The following RTP2 variants were observed in gnomAD, a reference collection of about 807,000 sequenced individuals.
RTP2 encodes receptor transporter protein 2.
Under a neutral mutation model 17.9 loss-of-function variants are expected in RTP2, and 12 were observed. The ratio of observed to expected loss-of-function variants is 0.67; its 90% CI spans 0.43 to 1.09. The LOEUF (loss-of-function observed/expected upper bound fraction) is 1.09, where lower values mean the gene tolerates loss of function less well. RTP2 is among the 50% of genes least tolerant of loss of function. RTP2 has a pLI of 0.00. For synonymous variants in RTP2, 126 were observed against 117.7 expected (o/e 1.07, Z -0.46); for missense variants, 327 against 295.7 (o/e 1.11, Z -0.78).
chr3:187,700,704 C>CT (rs1435183242), intron 1 of RTP2, among the ~76,000 whole-genome samples: 2 of 152,196 alleles, frequency 1.3e-5, no homozygotes, highest in Non-Finnish European at 2.9e-5. Flanking sequence ...GGCAGGCGAG[C>CT]TTAAGAAGCA....
exon 2 of RTP2, chr3:187,698,318 G>A (rs1717738993): frequency 1.7e-6 from 1 of 599,986 alleles, no homozygotes; most frequent in African/African-American, 1.8e-5. Context: ...GTCACATCCA[G>A]TGAAAGAATC....
At chr3:187,702,595 C>T (rs966624084), upstream of RTP2, 2 of 456,652 alleles carry the variant, frequency 4.4e-6, no homozygotes, top group Non-Finnish European at 8.8e-6. Context: ...AAAGGCAGAG[C>T]CTGCTGCTTC....
chr3:187,702,061 G>A (rs754908912), exon 1 of RTP2: 2 of 1,613,750 alleles, frequency 1.2e-6, no homozygotes, highest in South Asian at 2.2e-5. Context: ...GCTGTCCGCT[G>A]GCTTTGCCAC....
the RTP2 span, among the ~76,000 whole-genome samples, chr3:187,713,936 A>C: frequency 6.6e-6 from 1 of 152,168 alleles, no homozygotes; most frequent in Non-Finnish European, 1.5e-5. Context: ...CCTCACAAAG[A>C]TAGGTGTACC....
chr3:187,701,811 G>T (rs944386013), intron 1 of RTP2, among the ~76,000 whole-genome samples, 154 bp downstream of exon 1: 3 of 152,148 alleles, frequency 2.0e-5, no homozygotes, highest in African/African-American at 7.2e-5. Flanking sequence ...TTAAAAGCAA[G>T]AACTCTCTGA....
At chr3:187,702,942 A>G (rs1000808129), upstream of RTP2, among the ~76,000 whole-genome samples, 1 of 152,100 alleles carries the variant, frequency 6.6e-6, no homozygotes, top group Non-Finnish European at 1.5e-5. Context: ...GTTAGAGCCC[A>G]TATTCAGTTC....
At chr3:187,706,564 C>T (rs528520079), upstream of RTP2, among the ~76,000 whole-genome samples, 1 of 152,182 alleles carries the variant, frequency 6.6e-6, no homozygotes, top group Non-Finnish European at 1.5e-5. Context: ...ACATGAAGAA[C>T]CAATGCATGC....
intron 1 of RTP2, among the ~76,000 whole-genome samples, chr3:187,699,670 A>T (rs1243256556): frequency 6.6e-6 from 1 of 151,062 alleles, no homozygotes; most frequent in Non-Finnish European, 1.5e-5. Flanking sequence ...TCTTCTCTAG[A>T]TCCCACTCTA....
chr3:187,702,921 G>A (rs548441448), upstream of RTP2, among the ~76,000 whole-genome samples: 15 of 152,272 alleles, frequency 9.9e-5, no homozygotes, highest in African/African-American at 1.2e-4. Flanking sequence ...GATTCATAGC[G>A]TCATAGAACT....
exon 2 of RTP2, chr3:187,698,857 A>C (rs756300167): frequency 2.5e-6 from 4 of 1,612,682 alleles, no homozygotes; most frequent in Non-Finnish European, 3.4e-6. Flanking sequence ...AGCATGCTGG[A>C]CTCGTCCAGC....
At chr3:187,706,672 G>A (rs565058684), upstream of RTP2, among the ~76,000 whole-genome samples, 66 of 152,056 alleles carry the variant, frequency 4.3e-4, no homozygotes, top group Non-Finnish European at 7.5e-4. Context: ...GCGTGATCTC[G>A]GCTCACTGCA....
At chr3:187,703,617 T>G (rs1209016721), upstream of RTP2, among the ~76,000 whole-genome samples, 1 of 152,194 alleles carries the variant, frequency 6.6e-6, no homozygotes, top group Non-Finnish European at 1.5e-5. Flanking sequence ...CTCTCAGGAC[T>G]GGGTAGCTCA....
chr3:187,705,681 A>C (rs1441941321), upstream of RTP2, among the ~76,000 whole-genome samples: 2 of 152,176 alleles, frequency 1.3e-5, no homozygotes, highest in Non-Finnish European at 2.9e-5. Context: ...GTCACCTTCC[A>C]AAGACTGATG....
At chr3:187,698,277 ATT>A (rs1717736999) in exon 2 of RTP2, 1 of 540,412 alleles carries the variant, frequency 1.9e-6, no homozygotes, top group South Asian at 2.8e-5. Context: ...TAAAACCTTT[ATT>A]ACACCCTTTT....
upstream of RTP2, chr3:187,702,677 C>A (rs1717884899): frequency 2.3e-6 from 1 of 426,180 alleles, no homozygotes; most frequent in African/African-American, 2.0e-5. Flanking sequence ...GTGTGCTGGC[C>A]AAAGCAGATC....
intron 1 of RTP2, among the ~76,000 whole-genome samples, chr3:187,699,487 C>T (rs1180800631): frequency 2.0e-5 from 3 of 152,230 alleles, no homozygotes; most frequent in African/African-American, 4.8e-5. Context: ...GGAGAAGAGA[C>T]GCCTCTAACT....
chr3:187,702,759 C>T (rs907520479), upstream of RTP2, among the ~76,000 whole-genome samples: 2 of 152,176 alleles, frequency 1.3e-5, no homozygotes, highest in Admixed American at 6.5e-5. Flanking sequence ...CTTCTGAAAC[C>T]GAGCTCATTT....
In RTP2 at chr3:187,698,779, C is replaced by T. The variant is rs759984074; in HGVS notation, c.397G>A (p.Asp133Asn). The change falls in exon 2 of 2, where the codon GAT becomes AAT. Residue 133 changes from aspartate to asparagine, a missense_variant. Coordinates refer to ENST00000358241, the Ensembl canonical transcript of RTP2. ...ACGTGGATGCGGTACTGGCCACCATCCTCCTCGTAGCACTGCTCGCGCAGG... is the reference window on the plus strand; with the variant it reads ...ACGTGGATGCGGTACTGGCCACCATTCTCCTCGTAGCACTGCTCGCGCAGG... 4.3e-6 allele frequency: 7 copies of T among 1,613,956 alleles called. No homozygotes were observed. In the East Asian group the frequency reaches 1.6e-4, roughly 36 times the overall value.
chr3:187,708,943 A>G, the RTP2 span, among the ~76,000 whole-genome samples: 1 of 143,378 alleles, frequency 7.0e-6, no homozygotes, highest in Non-Finnish European at 1.5e-5. Flanking sequence ...CCACTAAGCT[A>G]TTCCCTAGGC....
Sources: gnomAD v4.1 joint callset for allele counts (sites outside exome capture counted in the v4.1 genomes callset) on GRCh38, gnomAD v4.1.1 for gene constraint, MANE v1.5 for transcripts, NCBI Gene and HGNC (gene_info 2026-07-23, HGNC 2026-07-21) for gene names.